DROSHA: variants seen among roughly 807,000 people sequenced by gnomAD.
DROSHA encodes the protein ribonuclease 3.
Under a neutral mutation model 181.9 loss-of-function variants are expected in DROSHA, and 56 were observed. That is an observed-to-expected ratio of 0.31 (90% CI 0.25 to 0.38). DROSHA has a LOEUF of 0.38. Ranked by LOEUF, DROSHA falls within the 10% of genes least tolerant of loss-of-function variation. DROSHA has a pLI of 1.00. For missense variants in DROSHA, 1,218 were observed against 1,743.5 expected, an observed-to-expected ratio of 0.70 and a Z score of 5.37; for synonymous variants, 524 against 591.2, an observed-to-expected ratio of 0.89 and a Z score of 1.65.
chr5:31,525,558 GTAAA>G (rs1740446454), intron 5 of DROSHA, among the ~76,000 whole-genome samples: 1 of 145,052 alleles, frequency 6.9e-6, no homozygotes, highest in East Asian at 2.1e-4. Context: ...TTCATAATGT[GTAAA>G]TAATCTTACT....
intron 20 of DROSHA, among the ~76,000 whole-genome samples, chr5:31,457,627 T>C (rs898974546): frequency 1.3e-5 from 2 of 152,256 alleles, no homozygotes; most frequent in South Asian, 2.1e-4. Flanking sequence ...CAGTGGCTCA[T>C]GTCTGTAATC....
At chr5:31,460,606 A>G (rs1748294788) in intron 20 of DROSHA, among the ~76,000 whole-genome samples, 1 of 152,188 alleles carries the variant, frequency 6.6e-6, no homozygotes, top group South Asian at 2.1e-4. Flanking sequence ...CAGAGGAAAA[A>G]CTACCAAGGA....
chr5:31,421,558 G>T (rs902454559), intron 29 of DROSHA, among the ~76,000 whole-genome samples, 181 bp from the exon 30 acceptor site: 1 of 151,972 alleles, frequency 6.6e-6, no homozygotes, highest in Non-Finnish European at 1.5e-5. Flanking sequence ...GTTAATATAG[G>T]CTGAGTTTTA....
Position 31,409,458 on chromosome 5 carries a change from A to C in DROSHA, c.3668-126T>G, listed in dbSNP as rs1741037209. On this transcript the variant is annotated intron_variant, in intron 31 of 35. Transcript: ENST00000344624. This position sits in a 1 kb window ranked among gnomAD's most constrained non-coding sequence, Gnocchi z 4.0. ...AACTTCCAGGCCCTCTTTATTTTTCAGTGCTACCATTTCATCTTCCCCCAC... is the reference window on the plus strand; with the variant it reads ...AACTTCCAGGCCCTCTTTATTTTTCCGTGCTACCATTTCATCTTCCCCCAC... The C allele has an allele frequency of 1.3e-6, 1 of 766,330 alleles. No homozygotes were observed. Among genetic ancestry groups the C allele is most frequent in the Non-Finnish European group, 2.1e-6 (1 of 475,426 alleles). 47.5% of individuals were successfully genotyped at this position (766,330 alleles called of 1,614,324 possible). A position where few individuals can be genotyped will look rare whatever the true frequency, so the allele number is the denominator to read the frequency against.
chr5:31,401,371 C>T lies in DROSHA; in HGVS notation c.*61G>A. On this transcript the variant is annotated 3_prime_UTR_variant, in exon 36 of 36. Transcript: ENST00000344624. ...TGTCTGCAGGAAAACTAGGCTAGGT[C>T]TCAATAGACAACAGTCACAGTTACT... The T allele has an allele frequency of 6.3e-7, 1 of 1,592,902 alleles. No homozygotes were observed. Among genetic ancestry groups the T allele is most frequent in the Admixed American group, 1.7e-5 (1 of 59,488 alleles).
Position 31,409,440 on chromosome 5 carries a change from A to G in DROSHA, c.3668-108T>C. ...AATTTTAGTAATAGTTTCAACTTCC[A>G]GGCCCTCTTTATTTTTCAGTGCTAC... On this transcript the variant is annotated intron_variant, in intron 31 of 35. Coordinates refer to ENST00000344624, the MANE Select transcript of DROSHA (RefSeq NM_001382508.1). The surrounding 1 kb of genome is among the most constrained non-coding windows in gnomAD (Gnocchi z 4.0). 5.3e-6 allele frequency: 5 copies of G among 945,844 alleles called. No individual in the cohort carries two copies. In the Admixed American group the frequency reaches 1.4e-4, roughly 26 times the overall value. The allele number at this position is 945,844 out of a possible 1,614,324, so 58.6% of individuals were successfully genotyped here. A position where few individuals can be genotyped will look rare whatever the true frequency, so the allele number is the denominator to read the frequency against.
intron 10 of DROSHA, among the ~76,000 whole-genome samples, chr5:31,505,229 G>C (rs1420521278): frequency 6.6e-6 from 1 of 152,200 alleles, no homozygotes; most frequent in African/African-American, 2.4e-5. Context: ...GAACGGATGA[G>C]TGCTAAGCAC....
Position 31,483,646 on chromosome 5 carries a change from G to GAAAAAAAAAAAAAAA in DROSHA, c.1997-33_1997-19dup. The GAAAAAAAAAAAAAAA allele has an allele frequency of 5.7e-6, 7 of 1,236,472 alleles. No homozygotes were observed. Among genetic ancestry groups the GAAAAAAAAAAAAAAA allele is most frequent in the East Asian group, 2.6e-5 (1 of 38,568 alleles). The allele number at this position is 1,236,472 out of a possible 1,614,324, so 76.6% of individuals were successfully genotyped here. A position where few individuals can be genotyped will look rare whatever the true frequency, so the allele number is the denominator to read the frequency against. On this transcript the variant is annotated intron_variant, in intron 15 of 35. Transcript: ENST00000344624. ...CAAAGGACCTGAAGCAAACAAATGA[G>GAAAAAAAAAAAAAAA]AAAAAAAAAAAAAAAAGAAAACTCA... is the stretch of plus-strand genomic sequence containing the variant.
At chr5:31,522,910 T>G (rs1351902912) in intron 5 of DROSHA, among the ~76,000 whole-genome samples, 1 of 152,210 alleles carries the variant, frequency 6.6e-6, no homozygotes, top group Non-Finnish European at 1.5e-5. Flanking sequence ...ACAGACCTTT[T>G]CTAAAAACAG....
At chr5:31,468,132 G>T in intron 17 of DROSHA, 69 bp from the exon 18 acceptor site, 2 of 1,513,960 alleles carry the variant, frequency 1.3e-6, no homozygotes, top group Non-Finnish European at 1.8e-6. Flanking sequence ...ACCTAAGTAG[G>T]GAAGGAATAA....
chr5:31,411,007 G>GCCATAGACCTCAC lies in DROSHA; in HGVS notation c.3526-121_3526-120insGTGAGGTCTATGG. 6 of 1,408,890 alleles carry GCCATAGACCTCAC rather than the reference G, an allele frequency of 4.3e-6. No homozygotes were observed. Among genetic ancestry groups the GCCATAGACCTCAC allele is most frequent in the Non-Finnish European group, 5.8e-6 (6 of 1,036,426 alleles). The allele number at this position is 1,408,890 out of a possible 1,614,324, so 87.3% of individuals were successfully genotyped here. A position where few individuals can be genotyped will look rare whatever the true frequency, so the allele number is the denominator to read the frequency against. Reference sequence around the variant, plus strand: ...TGACAGGGACACCAAAATAAGTGAGGTCTATGGCCTCAACCATCACCCAGA... The same window carrying GCCATAGACCTCAC: ...TGACAGGGACACCAAAATAAGTGAGGCCATAGACCTCACTCTATGGCCTCAACCATCACCCAGA... On this transcript the variant is annotated intron_variant, in intron 30 of 35. Transcript: ENST00000344624. The surrounding 1 kb of genome is among the most constrained non-coding windows in gnomAD (Gnocchi z 4.2).
Position 31,470,795 on chromosome 5 carries a change from G to A in DROSHA, c.2241+1268C>T, listed in dbSNP as rs1419065695. On this transcript the variant is annotated intron_variant, in intron 17 of 35. Coordinates refer to ENST00000344624, the MANE Select transcript of DROSHA (RefSeq NM_001382508.1). The surrounding 1 kb of genome is among the most constrained non-coding windows in gnomAD (Gnocchi z 4.0). ...AGTCCAGGGTGAACGTGCTCCCCCC[G>A]TGTCTACCACAGAACATGGAACTCT... is the stretch of plus-strand genomic sequence containing the variant. Among the ~76,000 whole-genome samples the A allele has an allele frequency of 6.6e-6, 1 of 151,934 alleles. No individual in the cohort carries two copies. Among genetic ancestry groups the A allele is most frequent in the Non-Finnish European group, 1.5e-5 (1 of 68,014 alleles).
At position 31,511,198 on chromosome 5, in the gene DROSHA, T is replaced by C. The variant is rs751920507; in HGVS notation, c.1291-22A>G. The C allele has an allele frequency of 3.0e-5, 48 of 1,603,462 alleles. No homozygotes were observed. The Admixed American group carries it at 6.6e-4, about 22-fold the overall frequency. On this transcript the variant is annotated intron_variant, in intron 8 of 35. Coordinates refer to ENST00000344624, the MANE Select transcript of DROSHA (RefSeq NM_001382508.1). ...CTCCCTTTTAAAAATAAAGGATCAA[T>C]ATTAGGAACTATATCAATAACGATC...
chr5:31,435,340 G>A (rs1744662984), intron 25 of DROSHA, among the ~76,000 whole-genome samples: 1 of 152,138 alleles, frequency 6.6e-6, no homozygotes, highest in African/African-American at 2.4e-5. Flanking sequence ...ACCCCTAGTG[G>A]ATAAAAAATG....
At chr5:31,408,741 T>C (rs1372096090) in intron 33 of DROSHA, 3 of 239,874 alleles carry the variant, frequency 1.3e-5, no homozygotes, top group Admixed American at 5.0e-5. Flanking sequence ...AAAATGTATA[T>C]AAAAACCACT....
Position 31,526,649 on chromosome 5 carries a change from G to T in DROSHA, c.284C>A (p.Pro95His), listed in dbSNP as rs541915232. 7.2e-6 allele frequency: 11 copies of T among 1,520,762 alleles called. No homozygotes were observed. Among genetic ancestry groups the T allele is most frequent in the East Asian group, 6.8e-5 (3 of 43,984 alleles). The allele number at this position is 1,520,762 out of a possible 1,614,324, so 94.2% of individuals were successfully genotyped here. A position where few individuals can be genotyped will look rare whatever the true frequency, so the allele number is the denominator to read the frequency against. Reference protein sequence around the residue: ...MPPSAQGPLPPCPIRPPFPNH... With the variant: ...MPPSAQGPLPHCPIRPPFPNH... ...GGGGAAAGGCGGCCTGATTGGGCAG[G>T]GGGGAAGAGGGCCTTGCGCTGACGG... Residue 95 changes from proline (P) to histidine (H), a missense_variant, in exon 5 of 36, where the codon CCC becomes CAC. By Grantham distance (77) the Pro-to-His change is moderately conservative (BLOSUM62 -2). Transcript: ENST00000344624.
chr5:31,508,531 A>G, intron 10 of DROSHA, 90 bp downstream of exon 10: 1 of 1,571,056 alleles, frequency 6.4e-7, no homozygotes, highest in South Asian at 1.2e-5. Flanking sequence ...TTCAGTTTCA[A>G]TACTAGGCAA....
chr5:31,499,122 G>A (rs1753316461), intron 11 of DROSHA, among the ~76,000 whole-genome samples: 1 of 152,182 alleles, frequency 6.6e-6, no homozygotes, highest in South Asian at 2.1e-4. Flanking sequence ...TACTGAGCAA[G>A]GCAGAGGTAT....
At chr5:31,530,216 G>A (rs928532873) in intron 3 of DROSHA, among the ~76,000 whole-genome samples, 1 of 152,012 alleles carries the variant, frequency 6.6e-6, no homozygotes, top group African/African-American at 2.4e-5. Flanking sequence ...TTACTCCTGG[G>A]CTCAAGCAAT....
Sources: gnomAD v4.1 joint callset for allele counts (sites outside exome capture counted in the v4.1 genomes callset) on GRCh38, gnomAD v4.1.1 for gene constraint, Gnocchi (gnomAD v3.1) non-coding constraint, MANE v1.5 for transcripts, NCBI Gene and HGNC (gene_info 2026-07-23, HGNC 2026-07-21) for gene names.